The following PDSS2 variants were observed in gnomAD, a reference collection of about 807,000 sequenced individuals.
PDSS2 encodes the protein decaprenyl diphosphate synthase subunit 2, also known as all trans-polyprenyl-diphosphate synthase PDSS2.
In PDSS2, 31 loss-of-function variants were observed where a neutral mutation model predicts 44.5. The observed-to-expected ratio is 0.70, with a 90% CI of 0.52 to 0.94. PDSS2 has a LOEUF of 0.94. Among genes scored for constraint, PDSS2 ranks in the 40% least tolerant of loss-of-function variants. PDSS2 has a pLI of 0.00. For synonymous variants in PDSS2, 157 were observed against 180.3 expected (o/e 0.87, Z 1.03); for missense variants, 452 against 482.2 (o/e 0.94, Z 0.59).
At chr6:107,368,980 A>G (rs1779047473) in intron 1 of PDSS2, among the ~76,000 whole-genome samples, 1 of 152,222 alleles carries the variant, frequency 6.6e-6, no homozygotes, top group African/African-American at 2.4e-5. Context: ...ATAGAGATCA[A>G]TGGAACAGGG....
intron 3 of PDSS2, among the ~76,000 whole-genome samples, chr6:107,251,105 C>T (rs775834369): frequency 1.3e-5 from 2 of 152,146 alleles, no homozygotes; most frequent in Non-Finnish European, 2.9e-5. Context: ...CTGCCTGCCT[C>T]GGCCTCCCAA....
chr6:107,423,476 G>A (rs987218131), intron 1 of PDSS2, among the ~76,000 whole-genome samples: 2 of 152,084 alleles, frequency 1.3e-5, no homozygotes, highest in African/African-American at 4.8e-5. Flanking sequence ...TGGTAAGTAA[G>A]GTTTTATTGT....
chr6:107,173,113 A>C (rs545965249), intron 7 of PDSS2, among the ~76,000 whole-genome samples: 264 of 124,100 alleles, frequency 2.1e-3, no homozygotes, highest in Non-Finnish European at 3.4e-3. Flanking sequence ...ACAGAGCGAG[A>C]CTCTGTCTCA....
chr6:107,265,583 TAAAAG>T (rs1175401367), intron 3 of PDSS2, among the ~76,000 whole-genome samples: 6 of 152,164 alleles, frequency 3.9e-5, no homozygotes, highest in Non-Finnish European at 5.9e-5. Flanking sequence ...TTCTTTCTTA[TAAAAG>T]AAAACTAAAA....
chr6:107,373,330 GT>G (rs1779184194), intron 1 of PDSS2, among the ~76,000 whole-genome samples: 1 of 152,086 alleles, frequency 6.6e-6, no homozygotes, highest in Admixed American at 6.6e-5. Flanking sequence ...TAACTTCTTA[GT>G]CTACGAGGCA....
At chr6:107,395,664 A>G (rs1317542146) in intron 1 of PDSS2, among the ~76,000 whole-genome samples, 2 of 152,134 alleles carry the variant, frequency 1.3e-5, no homozygotes, top group East Asian at 3.8e-4. Context: ...TTACTTGAAT[A>G]TATTGAATAT....
chr6:107,272,781 A>G (rs535794093), intron 3 of PDSS2, among the ~76,000 whole-genome samples: 59 of 152,148 alleles, frequency 3.9e-4, no homozygotes, highest in Admixed American at 3.5e-3. Flanking sequence ...CCAGGAGTTC[A>G]AGACTAGCCT....
intron 1 of PDSS2, among the ~76,000 whole-genome samples, chr6:107,339,713 G>A (rs975574965): frequency 7.2e-5 from 11 of 152,028 alleles, no homozygotes; most frequent in African/African-American, 2.4e-4. Flanking sequence ...AAAAGGGGGA[G>A]TGGGAAGGAA....
intron 6 of PDSS2, among the ~76,000 whole-genome samples, chr6:107,205,245 G>C (rs1772932563): frequency 6.6e-6 from 1 of 152,162 alleles, no homozygotes; most frequent in African/African-American, 2.4e-5. Context: ...GTACACTTAA[G>C]GTATTTCATG....
intron 1 of PDSS2, among the ~76,000 whole-genome samples, chr6:107,352,216 ATGAC>A (rs148363249): frequency 0.011 from 1,703 of 152,294 alleles, 34 homozygotes; most frequent in African/African-American, 0.04. Flanking sequence ...AGGATGGACC[ATGAC>A]TGACTATCTG....
chr6:107,313,375 CAG>C (rs1281738971), intron 2 of PDSS2, among the ~76,000 whole-genome samples: 1 of 152,130 alleles, frequency 6.6e-6, no homozygotes, highest in African/African-American at 2.4e-5. Flanking sequence ...TTTATTGAGA[CAG>C]AGTCTTGCTC....
chr6:107,197,843 A>G (rs1348468864), intron 6 of PDSS2: 1 of 471,044 alleles, frequency 2.1e-6, no homozygotes, highest in East Asian at 7.0e-5. Context: ...GGTGCTTAAG[A>G]GTGTTGAAAG....
At chr6:107,350,113 CATAG>C (rs1316354014) in intron 1 of PDSS2, among the ~76,000 whole-genome samples, 2 of 152,150 alleles carry the variant, frequency 1.3e-5, no homozygotes, top group African/African-American at 4.8e-5. Context: ...GCGGGAAGAT[CATAG>C]ATAGAAACAA....
intron 7 of PDSS2, among the ~76,000 whole-genome samples, chr6:107,166,935 T>A (rs1299048561): frequency 6.6e-6 from 1 of 152,192 alleles, no homozygotes; most frequent in African/African-American, 2.4e-5. Context: ...GGTCTAAAAT[T>A]CTCTTTTTTT....
At chr6:107,408,524 C>G (rs1042886701) in intron 1 of PDSS2, among the ~76,000 whole-genome samples, 5 of 152,266 alleles carry the variant, frequency 3.3e-5, no homozygotes, top group Admixed American at 1.3e-4. Flanking sequence ...TCCTCTTAAC[C>G]TGGTAGTGTC....
intron 1 of PDSS2, among the ~76,000 whole-genome samples, chr6:107,366,280 C>T (rs1453069639): frequency 6.6e-6 from 1 of 151,924 alleles, no homozygotes; most frequent in Non-Finnish European, 1.5e-5. Flanking sequence ...CTAAATAGCC[C>T]AGGGGTCAAA....
At chr6:107,416,741 G>C (rs1583057865) in intron 1 of PDSS2, among the ~76,000 whole-genome samples, 2 of 152,142 alleles carry the variant, frequency 1.3e-5, no homozygotes, top group East Asian at 1.9e-4. Flanking sequence ...GCTAGATCTA[G>C]ACTCACAAGT....
chr6:107,220,115 G>A (rs571858125), intron 4 of PDSS2, among the ~76,000 whole-genome samples: 3 of 128,258 alleles, frequency 2.3e-5, no homozygotes, highest in South Asian at 5.6e-4. Flanking sequence ...ACCTTATAGG[G>A]GTGTGTGTGA....
chr6:107,339,181 A>G (rs1778001482), intron 1 of PDSS2, among the ~76,000 whole-genome samples: 1 of 152,212 alleles, frequency 6.6e-6, no homozygotes, highest in Non-Finnish European at 1.5e-5. Context: ...AACACATTAG[A>G]CAGAAGCCTG....
Sources: allele counts gnomAD v4.1 joint callset (sites outside exome capture counted in the v4.1 genomes callset), GRCh38; gene constraint gnomAD v4.1.1; transcripts MANE v1.5; gene names NCBI Gene and HGNC (gene_info 2026-07-23, HGNC 2026-07-21).